The following TMEM108 variants were observed in gnomAD, a reference collection of about 807,000 sequenced individuals.
TMEM108 encodes cancer/testis antigen 124.
In TMEM108, 12 loss-of-function variants were observed where a neutral mutation model predicts 35.1. That is an observed-to-expected ratio of 0.34 (90% confidence interval 0.22 to 0.55). The LOEUF is 0.55. Among genes scored for constraint, TMEM108 ranks in the 20% least tolerant of loss-of-function variants. The pLI is 0.89. For missense variants in TMEM108, 680 were observed against 753.3 expected, an observed-to-expected ratio of 0.90 and a Z score of 1.14; for synonymous variants, 287 against 308.6, an observed-to-expected ratio of 0.93 and a Z score of 0.73.
intron 2 of TMEM108, among the ~76,000 whole-genome samples, chr3:133,068,441 G>A (rs1482110049): frequency 7.2e-5 from 11 of 152,124 alleles, no homozygotes; most frequent in Admixed American, 7.2e-4. Flanking sequence ...GGCAGGTATG[G>A]CTGGAAGGCA....
chr3:133,287,098 T>G (rs1378803361), intron 3 of TMEM108, among the ~76,000 whole-genome samples: 1 of 152,186 alleles, frequency 6.6e-6, no homozygotes, highest in Non-Finnish European at 1.5e-5. Context: ...CTCAAAGACC[T>G]GCCTTGGTGC....
chr3:133,234,423 C>T (rs888166758), intron 3 of TMEM108, among the ~76,000 whole-genome samples: 1 of 152,160 alleles, frequency 6.6e-6, no homozygotes, highest in Admixed American at 6.5e-5. Context: ...GGCTTCATCC[C>T]TGGGATGCAA....
chr3:133,170,470 C>T (rs1368749933), intron 2 of TMEM108, among the ~76,000 whole-genome samples: 4 of 152,142 alleles, frequency 2.6e-5, no homozygotes, highest in African/African-American at 9.7e-5. Flanking sequence ...AGGTTTAAAG[C>T]ATGGTTAAAC....
chr3:133,184,636 AT>A (rs59482996), intron 2 of TMEM108, among the ~76,000 whole-genome samples: 2,611 of 152,260 alleles, frequency 0.017, 99 homozygotes, highest in African/African-American at 0.059. Context: ...CCCTTCAGTC[AT>A]TTTTTTCTCA....
chr3:133,180,111 A>G (rs144770977), intron 2 of TMEM108, among the ~76,000 whole-genome samples: 42 of 152,318 alleles, frequency 2.8e-4, no homozygotes, highest in African/African-American at 9.1e-4. Context: ...GTTACTAAAT[A>G]TCAATTTTTA....
At chr3:133,195,877 T>C (rs56823492) in intron 2 of TMEM108, among the ~76,000 whole-genome samples, 2,625 of 152,340 alleles carry the variant, frequency 0.017, 94 homozygotes, top group African/African-American at 0.059. Context: ...ACACCTATTT[T>C]GCTGTGGTCT....
intron 2 of TMEM108, among the ~76,000 whole-genome samples, chr3:133,106,437 G>T (rs1469440066): frequency 6.6e-6 from 1 of 152,108 alleles, no homozygotes; most frequent in Non-Finnish European, 1.5e-5. Flanking sequence ...CATGCAGAGA[G>T]AACTGCATGA....
chr3:133,137,866 T>G (rs979554132), intron 2 of TMEM108, among the ~76,000 whole-genome samples: 1 of 152,146 alleles, frequency 6.6e-6, no homozygotes, highest in African/African-American at 2.4e-5. Flanking sequence ...GCTTCCTGCA[T>G]TCTACAAAGC....
intron 3 of TMEM108, among the ~76,000 whole-genome samples, chr3:133,365,497 G>T (rs149917564): frequency 6.6e-6 from 1 of 152,250 alleles, no homozygotes; most frequent in East Asian, 1.9e-4. Flanking sequence ...GCTATGGTTG[G>T]GGTGAGGGAG....
At chr3:133,192,153 C>T (rs58829083) in intron 2 of TMEM108, among the ~76,000 whole-genome samples, 2,616 of 152,180 alleles carry the variant, frequency 0.017, 98 homozygotes, top group African/African-American at 0.059. Context: ...GTTACAATTG[C>T]AAGGGAAGGA....
chr3:133,110,532 T>G (rs1027437761), intron 2 of TMEM108, among the ~76,000 whole-genome samples: 2 of 152,204 alleles, frequency 1.3e-5, no homozygotes, highest in Non-Finnish European at 2.9e-5. Flanking sequence ...AGGAATTGAC[T>G]TTGACCTGTA....
intron 2 of TMEM108, among the ~76,000 whole-genome samples, chr3:133,090,475 C>T (rs1463116986): frequency 6.6e-6 from 1 of 152,234 alleles, no homozygotes; most frequent in East Asian, 1.9e-4. Flanking sequence ...TCTTTCCCAT[C>T]TCAGCTGTAG....
chr3:133,286,769 C>G (rs6776275), intron 3 of TMEM108, among the ~76,000 whole-genome samples: 6 of 151,988 alleles, frequency 3.9e-5, no homozygotes, highest in Admixed American at 3.3e-4. Flanking sequence ...CCGTTGGCCA[C>G]TAAATGGTCC....
At chr3:133,048,059 A>G (rs1943360930) in intron 2 of TMEM108, among the ~76,000 whole-genome samples, 2 of 152,280 alleles carry the variant, frequency 1.3e-5, no homozygotes, top group South Asian at 2.1e-4. Context: ...GTTCATTGTG[A>G]TAATATATTC....
intron 3 of TMEM108, among the ~76,000 whole-genome samples, chr3:133,313,261 G>A (rs999826026): frequency 8.6e-5 from 13 of 150,866 alleles, no homozygotes; most frequent in African/African-American, 2.4e-4. Context: ...GCAGTGGTGC[G>A]ATCTCAGCTC....
intron 3 of TMEM108, among the ~76,000 whole-genome samples, chr3:133,240,696 G>A (rs1377603863): frequency 1.3e-5 from 2 of 152,196 alleles, no homozygotes; most frequent in African/African-American, 4.8e-5. Flanking sequence ...CTATATGACT[G>A]CACAGAGTGC....
intron 2 of TMEM108, among the ~76,000 whole-genome samples, chr3:133,106,161 T>A (rs968917349): frequency 1.3e-5 from 2 of 150,642 alleles, no homozygotes; most frequent in Non-Finnish European, 3.0e-5. Context: ...GGACTTCCAA[T>A]TGAGAGGTTA....
chr3:133,294,325 G>A (rs1409453075), intron 3 of TMEM108, among the ~76,000 whole-genome samples: 1 of 152,132 alleles, frequency 6.6e-6, no homozygotes, highest in African/African-American at 2.4e-5. Flanking sequence ...AATAAAAAGT[G>A]AAGCCACCAT....
intron 3 of TMEM108, among the ~76,000 whole-genome samples, chr3:133,260,462 A>C (rs929602509): frequency 6.6e-6 from 1 of 152,164 alleles, no homozygotes; most frequent in African/African-American, 2.4e-5. Context: ...ATAGAAAAGA[A>C]TTTGCAGATA....
Sources: allele counts gnomAD v4.1 joint callset (sites outside exome capture counted in the v4.1 genomes callset), GRCh38; gene constraint gnomAD v4.1.1; transcripts MANE v1.5; gene names NCBI Gene and HGNC (gene_info 2026-07-23, HGNC 2026-07-21).